CCDC190: variants seen among roughly 807,000 people sequenced by gnomAD.
CCDC190 encodes the protein coiled-coil domain-containing protein 190.
A neutral mutation model predicts 13.1 loss-of-function variants in CCDC190; 10 were observed. That is an observed-to-expected ratio of 0.77 (90% CI 0.47 to 1.30). CCDC190 has a LOEUF of 1.30. Among genes scored for constraint, CCDC190 ranks in the 50% most tolerant of loss-of-function variants. The pLI is 0.00. For synonymous variants in CCDC190, 136 were observed against 127.2 expected (o/e 1.07, Z -0.47); for missense variants, 375 against 354.3 (o/e 1.06, Z -0.47).
chr1:162,854,243 G>C lies in CCDC190; in HGVS notation c.*522C>G. The C allele has an allele frequency of 1.0e-6, 1 of 985,524 alleles. No individual in the cohort carries two copies. Among genetic ancestry groups the C allele is most frequent in the South Asian group, 4.7e-5 (1 of 21,290 alleles). The allele number at this position is 985,524 out of a possible 1,614,324, so 61.0% of individuals were successfully genotyped here. A position where few individuals can be genotyped will look rare whatever the true frequency, so the allele number is the denominator to read the frequency against. On this transcript the variant is annotated 3_prime_UTR_variant, in exon 4 of 4. Coordinates refer to ENST00000367912, the MANE Select transcript of CCDC190 (RefSeq NM_001394065.1). ...GTGGGAGGGTGAAAACTAAAATGGAGCTATCTGTAAATAAAGGAAGGAAGG... is the reference window on the plus strand; with the variant it reads ...GTGGGAGGGTGAAAACTAAAATGGACCTATCTGTAAATAAAGGAAGGAAGG...
upstream of CCDC190, among the ~76,000 whole-genome samples, chr1:162,863,213 A>G (rs965712056): frequency 1.3e-5 from 2 of 152,200 alleles, no homozygotes; most frequent in Non-Finnish European, 2.9e-5. Flanking sequence ...TCTGTTTTAC[A>G]TGGAGTCACA....
At position 162,852,317 on chromosome 1, in the gene CCDC190, A is replaced by G. The variant is rs954852574; in HGVS notation, c.*2448T>C. ...TTGCTCCTAGCTGAGAACCACTGGT[A>G]TAAGTAAAGTGGCCATGGACTGGTC... On this transcript the variant is annotated 3_prime_UTR_variant, in exon 4 of 4. Coordinates refer to ENST00000367912, the MANE Select transcript of CCDC190 (RefSeq NM_001394065.1). The G allele has an allele frequency of 2.0e-5, 3 of 152,306 alleles. No homozygotes were observed. The highest frequency in any genetic ancestry group is 1.9e-4 in the East Asian group (1 of 5,190). 9.4% of individuals were successfully genotyped at this position (152,306 alleles called of 1,614,324 possible). A position where few individuals can be genotyped will look rare whatever the true frequency, so the allele number is the denominator to read the frequency against.
At position 162,854,531 on chromosome 1, in the gene CCDC190, A is replaced by G; in HGVS notation, c.*234T>C. 7.6e-7 allele frequency: 1 copy of G among 1,321,266 alleles called. No homozygotes were observed. Among genetic ancestry groups the G allele is most frequent in the Non-Finnish European group, 9.6e-7 (1 of 1,036,446 alleles). 81.8% of individuals were successfully genotyped at this position (1,321,266 alleles called of 1,614,324 possible). ...ATATATTCATATTTTTGATGACATC[A>G]TAAACATATCACTTAAAATATTTTC... On this transcript the variant is annotated 3_prime_UTR_variant, in exon 4 of 4. Transcript: ENST00000367912.
Position 162,855,033 on chromosome 1 carries a change from A to G in CCDC190, c.638T>C (p.Val213Ala). 6.2e-7 allele frequency: 1 copy of G among 1,614,042 alleles called. No individual in the cohort carries two copies. The highest frequency in any genetic ancestry group is 8.5e-7 in the Non-Finnish European group (1 of 1,179,892). The part of the protein sequence containing the change: ...ACADETRSKD[V>A]ALKPDGNTGK... ...AGTGTTCCCATCTGGCTTTAGAGCA[A>G]CATCTTTTGATCTGGTCTCATCAGC... The change falls in exon 4 of 4, where the codon GTT becomes GCT. Residue 213 changes from valine to alanine, a missense_variant. Transcript: ENST00000367912.
In CCDC190 at chr1:162,851,067, T is replaced by A. The variant is rs1650091106; in HGVS notation, c.*3698A>T. On this transcript the variant is annotated 3_prime_UTR_variant, in exon 4 of 4. Coordinates refer to ENST00000367912, the MANE Select transcript of CCDC190 (RefSeq NM_001394065.1). ...CCGGTAGATATTCATTTAACTGCATTTAGGTTATTATTGTTTATGGTTCTC... is the reference window on the plus strand; with the variant it reads ...CCGGTAGATATTCATTTAACTGCATATAGGTTATTATTGTTTATGGTTCTC... Among the ~76,000 whole-genome samples the A allele has an allele frequency of 6.6e-6, 1 of 152,124 alleles. No homozygotes were observed. Among genetic ancestry groups the A allele is most frequent in the Non-Finnish European group, 1.5e-5 (1 of 68,020 alleles).
chr1:162,866,843 G>C (rs140164338), intron 1 of CCDC190, among the ~76,000 whole-genome samples: 1 of 152,016 alleles, frequency 6.6e-6, no homozygotes, highest in Non-Finnish European at 1.5e-5. Context: ...TAATGGGGGG[G>C]AAAGAATATT....
At chr1:162,857,800 TA>T (rs2102260823) in intron 2 of CCDC190, among the ~76,000 whole-genome samples, 1 of 152,324 alleles carries the variant, frequency 6.6e-6, no homozygotes, top group African/African-American at 2.4e-5. Flanking sequence ...CTGTCCAATT[TA>T]AATATGGGCA....
chr1:162,866,408 C>T (rs542111154), intron 1 of CCDC190, among the ~76,000 whole-genome samples: 95 of 152,102 alleles, frequency 6.2e-4, no homozygotes, highest in Middle Eastern at 3.4e-3. Flanking sequence ...CCAGCCTAGG[C>T]GACAAGAGTA....
chr1:162,855,907 G>A, intron 2 of CCDC190, 152 bp from the exon 3 acceptor site: 1 of 632,906 alleles, frequency 1.6e-6, no homozygotes, highest in Non-Finnish European at 2.7e-6. Flanking sequence ...TCATTAGGGT[G>A]GGTACTAATC....
At chr1:162,859,383 G>A in intron 2 of CCDC190, 77 bp downstream of exon 2, 1 of 1,319,144 alleles carries the variant, frequency 7.6e-7, no homozygotes, top group Non-Finnish European at 1.0e-6. Flanking sequence ...AGCTCTGAAA[G>A]GGCCTCAGCG....
chr1:162,867,651 T>C (rs530873741), intron 1 of CCDC190, among the ~76,000 whole-genome samples: 19 of 152,328 alleles, frequency 1.2e-4, no homozygotes, highest in African/African-American at 4.6e-4. Context: ...ATAGCAGCCT[T>C]ATTCATAATA....
intron 1 of CCDC190, among the ~76,000 whole-genome samples, chr1:162,867,017 T>C (rs7525845): frequency 4.0e-5 from 6 of 151,716 alleles, no homozygotes; most frequent in African/African-American, 1.5e-4. Flanking sequence ...GAAAAGAAAA[T>C]TTTTGTAAAC....
Position 162,856,624 on chromosome 1 carries a change from G to A in CCDC190, c.188-869C>T, listed in dbSNP as rs560272533. Among the ~76,000 whole-genome samples the A allele has an allele frequency of 3.3e-5, 5 of 152,288 alleles. No homozygotes were observed. The South Asian group carries it at 1.0e-3, about 32-fold the overall frequency. On this transcript the variant is annotated intron_variant, in intron 2 of 3. Transcript: ENST00000367912. ...AGTTTTTAAGACATCTCATGAATTG[G>A]TCATTTAGAGTTGAAAGTCTTGGAC...
At chr1:162,861,511 C>T (rs1397726040), upstream of CCDC190, among the ~76,000 whole-genome samples, 1 of 151,988 alleles carries the variant, frequency 6.6e-6, no homozygotes, top group African/African-American at 2.4e-5. Flanking sequence ...CCAGGTCAGC[C>T]TCAAAAGAAA....
At chr1:162,861,385 T>A (rs1650508708), upstream of CCDC190, among the ~76,000 whole-genome samples, 1 of 152,088 alleles carries the variant, frequency 6.6e-6, no homozygotes, top group Non-Finnish European at 1.5e-5. Context: ...GCAAGGAGTG[T>A]GTAACTGTGT....
chr1:162,859,329 A>G (rs1558112382), intron 2 of CCDC190, 131 bp downstream of exon 2: 5 of 770,266 alleles, frequency 6.5e-6, no homozygotes, highest in Non-Finnish European at 1.0e-5. Context: ...AGGCAGCCTA[A>G]AGTCCTGGCT....
In CCDC190 at chr1:162,855,795, T is replaced by C. The variant is rs1233636688; in HGVS notation, c.188-40A>G. 5 of 1,547,632 alleles carry C rather than the reference T, an allele frequency of 3.2e-6. No individual in the cohort carries two copies. The South Asian group carries it at 4.8e-5, about 15-fold the overall frequency. On this transcript the variant is annotated intron_variant, in intron 2 of 3. Coordinates refer to ENST00000367912, the MANE Select transcript of CCDC190 (RefSeq NM_001394065.1). ...TTAAGAAGTGTTATGAGTTGGATTG[T>C]GTCCTTAAATTTTTTATGCTCAAGT...
chr1:162,865,414 T>C (rs1260346512), upstream of CCDC190, among the ~76,000 whole-genome samples: 1 of 152,158 alleles, frequency 6.6e-6, no homozygotes, highest in East Asian at 1.9e-4. Context: ...TATAGAATGT[T>C]AATTATACCC....
At position 162,853,113 on chromosome 1, in the gene CCDC190, T is replaced by A; in HGVS notation, c.*1652A>T. On this transcript the variant is annotated 3_prime_UTR_variant, in exon 4 of 4. Coordinates refer to ENST00000367912, the MANE Select transcript of CCDC190 (RefSeq NM_001394065.1). ...TGTTGGAGGAAGCAGATTTCTTGTG[T>A]TCCTTTCACTATAAAGTATTGTCTC... The A allele has an allele frequency of 1.3e-6, 2 of 1,550,450 alleles. No individual in the cohort carries two copies. The highest frequency in any genetic ancestry group is 1.7e-6 in the Non-Finnish European group (2 of 1,146,638).
Sources: gnomAD v4.1 joint callset for allele counts (sites outside exome capture counted in the v4.1 genomes callset) on GRCh38, gnomAD v4.1.1 for gene constraint, MANE v1.5 for transcripts, NCBI Gene and HGNC (gene_info 2026-07-23, HGNC 2026-07-21) for gene names.